Variants in FBXO33 observed in about 807,000 individuals in gnomAD.
The protein encoded by FBXO33 is F-box only protein 33.
Under a neutral mutation model 46.3 loss-of-function variants are expected in FBXO33, and 22 were observed. That is an observed-to-expected ratio of 0.48 (90% CI 0.34 to 0.68). The LOEUF (loss-of-function observed/expected upper bound fraction) is 0.68. FBXO33 is among the 30% of genes least tolerant of loss of function. FBXO33 has a pLI of 0.01. For synonymous variants in FBXO33, 337 were observed against 291.3 expected, an observed-to-expected ratio of 1.16 and a Z score of -1.60; for missense variants, 692 against 708.8, an observed-to-expected ratio of 0.98 and a Z score of 0.27.
intron 1 of FBXO33, among the ~76,000 whole-genome samples, chr14:39,403,618 T>C (rs1202920129): frequency 6.6e-6 from 1 of 152,166 alleles, no homozygotes; most frequent in Non-Finnish European, 1.5e-5. Flanking sequence ...CTACAAAACA[T>C]ATAGTTTTCT....
intron 1 of FBXO33, among the ~76,000 whole-genome samples, chr14:39,421,636 TAAAC>T (rs1302149616): frequency 6.6e-6 from 1 of 152,172 alleles, no homozygotes; most frequent in Non-Finnish European, 1.5e-5. Context: ...TGGGAGCAAT[TAAAC>T]AGACTAACCC....
intron 1 of FBXO33, among the ~76,000 whole-genome samples, chr14:39,404,420 G>A (rs890302140): frequency 1.2e-4 from 18 of 152,176 alleles, no homozygotes; most frequent in African/African-American, 3.9e-4. Flanking sequence ...TCCGCCTCCC[G>A]GGTTCATGCC....
At position 39,402,430 on chromosome 14, in the gene FBXO33, C is replaced by T. The variant is rs763829497; in HGVS notation, c.681G>A (p.Lys227=). The T allele has an allele frequency of 6.3e-7, 1 of 1,576,818 alleles. No homozygotes were observed. Among genetic ancestry groups the T allele is most frequent in the Admixed American group, 1.8e-5 (1 of 56,302 alleles). ...TAATTTTTTTGCCATCAGGGTCCAC[C>T]TTGCTGAGGTATGTATTTGACAAAC... ...QGSLSNTYLS[K]VDPDGKKIKQ... Residue 227 remains lysine (K), a synonymous_variant, in exon 2 of 4, where the codon AAG becomes AAA. Transcript: ENST00000298097.
chr14:39,431,867 C>A lies in FBXO33; in HGVS notation c.296G>T (p.Arg99Leu). 1 of 1,584,444 alleles carries A rather than the reference C, an allele frequency of 6.3e-7. No homozygotes were observed. Among genetic ancestry groups the A allele is most frequent in the Non-Finnish European group, 8.5e-7 (1 of 1,170,458 alleles). Residue 99 changes from arginine to leucine, a missense_variant, in exon 1 of 4, where the codon CGT becomes CTT. This residue lies in a region of FBXO33 where 412 missense variants were observed against 370.8 expected (regional missense o/e 1.11). Coordinates refer to ENST00000298097, the MANE Select transcript of FBXO33 (RefSeq NM_203301.4). ...CAGGGCCGGATAGAAGAGGCACTCA[C>A]GCCAGTGCGAGCAGGAGGCCGAGGC... The part of the protein sequence containing the change: ...LRASASCSHW[R>L]ECLFYPALWP...
chr14:39,398,042 C>T lies in FBXO33; in HGVS notation c.*1474G>A, dbSNP rs917700697. 16 of 152,588 alleles carry T rather than the reference C, an allele frequency of 1.0e-4. No homozygotes were observed. Among genetic ancestry groups the T allele is most frequent in the African/African-American group, 3.9e-4 (16 of 41,430 alleles). 9.5% of individuals were successfully genotyped at this position (152,588 alleles called of 1,614,324 possible). On this transcript the variant is annotated 3_prime_UTR_variant, in exon 4 of 4. Transcript: ENST00000298097. The stretch of plus-strand genomic sequence containing the variant: ...GTCATTTTAATATAAGATGGTAAAA[C>T]CATTTGTAAAACACATATAAACTTT...
rs1324362096 is a variant in FBXO33 at position 39,431,911 on chromosome 14, C to T, written c.252G>A (p.Pro84=). Residue 84 remains proline (P), a synonymous_variant, in exon 1 of 4, where the codon CCG becomes CCA. Coordinates refer to ENST00000298097, the MANE Select transcript of FBXO33 (RefSeq NM_203301.4). ...CCGAGGCCCGCAGCCGGTCGGGCGC[C>T]GGCAGAAAAGAGAAGATGTGCACGA... is the stretch of plus-strand genomic sequence containing the variant. ...ELIVHIFSFL[P]APDRLRASAS... 10 of 1,542,548 alleles carry T rather than the reference C, an allele frequency of 6.5e-6. No homozygotes were observed. Among genetic ancestry groups the T allele is most frequent in the Non-Finnish European group, 7.0e-6 (8 of 1,150,540 alleles).
At chr14:39,400,757 T>G (rs757435815) in intron 3 of FBXO33, among the ~76,000 whole-genome samples, 21 of 152,168 alleles carry the variant, frequency 1.4e-4, no homozygotes, top group Non-Finnish European at 2.5e-4. Flanking sequence ...GTTAAAAAAA[T>G]TATATACATT....
intron 1 of FBXO33, among the ~76,000 whole-genome samples, chr14:39,428,481 T>A (rs555649746): frequency 6.6e-6 from 1 of 152,214 alleles, no homozygotes; most frequent in East Asian, 1.9e-4. Flanking sequence ...TCATTACAGG[T>A]GTGAGCCACC....
intron 1 of FBXO33, among the ~76,000 whole-genome samples, chr14:39,426,819 C>T (rs74048766): frequency 0.011 from 1,607 of 152,328 alleles, 29 homozygotes; most frequent in African/African-American, 0.036. Context: ...GACACTTTAC[C>T]TAATGTTGCC....
chr14:39,407,719 C>A (rs925844360), intron 1 of FBXO33, among the ~76,000 whole-genome samples: 2 of 152,092 alleles, frequency 1.3e-5, no homozygotes, highest in African/African-American at 4.8e-5. Flanking sequence ...TGGGTTGTTT[C>A]CTTATATTGG....
intron 1 of FBXO33, among the ~76,000 whole-genome samples, chr14:39,411,042 T>G (rs1389546418): frequency 6.6e-6 from 1 of 152,180 alleles, no homozygotes; most frequent in Non-Finnish European, 1.5e-5. Context: ...CTTGGGGCTT[T>G]GAACATTGTT....
chr14:39,408,661 C>T (rs902851043), intron 1 of FBXO33, among the ~76,000 whole-genome samples: 1 of 139,244 alleles, frequency 7.2e-6, no homozygotes, highest in African/African-American at 2.5e-5. Context: ...TACAAGTGTG[C>T]ACCACCATGC....
chr14:39,423,752 T>C (rs977540403), intron 1 of FBXO33, among the ~76,000 whole-genome samples: 1 of 152,176 alleles, frequency 6.6e-6, no homozygotes, highest in Non-Finnish European at 1.5e-5. Context: ...AAGGGAGTGG[T>C]AACTGGTAGG....
chr14:39,404,938 G>A (rs374972007), intron 1 of FBXO33, among the ~76,000 whole-genome samples: 2 of 151,900 alleles, frequency 1.3e-5, no homozygotes, highest in East Asian at 3.9e-4. Flanking sequence ...CACGAGGTCA[G>A]GAGTTCGAGA....
rs2075565766 is a variant in FBXO33 at position 39,432,219 on chromosome 14, A to G, written c.-57T>C. ...GTGGGTCTCGGCGGAACCAAGTAGA[A>G]CACAAGTTGTGGAGAGGGGGAAAGG... is the stretch of plus-strand genomic sequence containing the variant. On this transcript the variant is annotated 5_prime_UTR_variant, in exon 1 of 4. Coordinates refer to ENST00000298097, the MANE Select transcript of FBXO33 (RefSeq NM_203301.4). The G allele has an allele frequency of 8.5e-7, 1 of 1,176,084 alleles. No individual in the cohort carries two copies. Among genetic ancestry groups the G allele is most frequent in the Non-Finnish European group, 1.1e-6 (1 of 949,322 alleles). 72.9% of individuals were successfully genotyped at this position (1,176,084 alleles called of 1,614,324 possible). A position where few individuals can be genotyped will look rare whatever the true frequency, so the allele number is the denominator to read the frequency against.
intron 1 of FBXO33, among the ~76,000 whole-genome samples, chr14:39,406,250 A>T (rs2075397535): frequency 6.6e-6 from 1 of 152,214 alleles, no homozygotes; most frequent in Non-Finnish European, 1.5e-5. Context: ...TATATAAAGT[A>T]GAAAAAATAT....
intron 1 of FBXO33, among the ~76,000 whole-genome samples, chr14:39,414,768 C>T (rs2075439478): frequency 6.6e-6 from 1 of 152,034 alleles, no homozygotes; most frequent in Non-Finnish European, 1.5e-5. Flanking sequence ...TTCAAGTGAT[C>T]CTCCCACCTC....
chr14:39,414,108 C>CT (rs2075436432), intron 1 of FBXO33, among the ~76,000 whole-genome samples: 1 of 152,236 alleles, frequency 6.6e-6, no homozygotes, highest in South Asian at 2.1e-4. Flanking sequence ...TTTGTCTACA[C>CT]TGAAAAATCT....
intron 1 of FBXO33, among the ~76,000 whole-genome samples, chr14:39,419,929 G>A (rs940843784): frequency 6.6e-6 from 1 of 152,136 alleles, no homozygotes; most frequent in Non-Finnish European, 1.5e-5. Context: ...CATAAACAGT[G>A]CTTGATAATC....
Sources: gnomAD v4.1 joint callset for allele counts (sites outside exome capture counted in the v4.1 genomes callset) on GRCh38, gnomAD v4.1.1 for gene constraint, gnomAD v4.1.1 regional missense constraint, MANE v1.5 for transcripts, NCBI Gene and HGNC (gene_info 2026-07-23, HGNC 2026-07-21) for gene names.